EYS: variants seen among roughly 807,000 people sequenced by gnomAD.
EYS encodes EGF-like photoreceptor maintenance factor, also known as protein eyes shut homolog.
In EYS, 250 loss-of-function variants were observed where a neutral mutation model predicts 282.1. The ratio of observed to expected loss-of-function variants is 0.89; its 90% CI spans 0.80 to 0.98. The LOEUF is 0.98. EYS is among the 50% of genes least tolerant of loss of function. The probability of loss-of-function intolerance (pLI) is 0.00; values close to 1 mark genes in which losing one functional copy is unlikely to be tolerated. For synonymous variants in EYS, 1,355 were observed against 1,282.9 expected (o/e 1.06, Z -1.20); for missense variants, 4,016 against 3,709.0 (o/e 1.08, Z -2.15).
chr6:64,070,034 T>C (rs1771516745), intron 32 of EYS, among the ~76,000 whole-genome samples: 1 of 152,102 alleles, frequency 6.6e-6, no homozygotes, highest in Non-Finnish European at 1.5e-5. Flanking sequence ...CTGTTGTGAA[T>C]TGTTTCTTTG....
At chr6:65,186,248 T>C (rs1181843674) in intron 12 of EYS, among the ~76,000 whole-genome samples, 1 of 151,818 alleles carries the variant, frequency 6.6e-6, no homozygotes, top group Non-Finnish European at 1.5e-5. Flanking sequence ...TAATGTTCTT[T>C]AAGAAAATAT....
chr6:64,815,252 G>C (rs570687539), intron 21 of EYS: 1 of 462,116 alleles, frequency 2.2e-6, no homozygotes, highest in East Asian at 6.3e-5. Flanking sequence ...GAAAAACCAA[G>C]AGCACATAGT....
intron 12 of EYS, among the ~76,000 whole-genome samples, chr6:65,099,469 A>G (rs1774833261): frequency 6.6e-6 from 1 of 150,782 alleles, no homozygotes; most frequent in Admixed American, 6.6e-5. Context: ...GAATAATTAA[A>G]AAGAAAGAGG....
intron 8 of EYS, among the ~76,000 whole-genome samples, chr6:65,382,731 A>C (rs1428004607): frequency 1.3e-5 from 2 of 151,960 alleles, no homozygotes; most frequent in Non-Finnish European, 2.9e-5. Context: ...TCCAGCACAG[A>C]ACAAAGATGT....
chr6:64,697,741 A>T (rs62418056), intron 22 of EYS, among the ~76,000 whole-genome samples: 1 of 152,022 alleles, frequency 6.6e-6, no homozygotes, highest in Non-Finnish European at 1.5e-5. Context: ...CAAGAGATTG[A>T]GACCAACCTG....
At chr6:65,558,013 A>G (rs960445618) in intron 2 of EYS, among the ~76,000 whole-genome samples, 6 of 152,132 alleles carry the variant, frequency 3.9e-5, no homozygotes, top group Admixed American at 2.0e-4. Context: ...AAAAAGTACC[A>G]TAAGTTCTCA....
At chr6:64,458,894 CCA>C (rs1775651100) in intron 26 of EYS, among the ~76,000 whole-genome samples, 1 of 152,088 alleles carries the variant, frequency 6.6e-6, no homozygotes, top group Non-Finnish European at 1.5e-5. Context: ...TTTTTTAACA[CCA>C]GTTTTATCCT....
intron 14 of EYS, among the ~76,000 whole-genome samples, chr6:64,994,419 G>C (rs374980820): frequency 6.6e-6 from 1 of 152,008 alleles, no homozygotes; most frequent in African/African-American, 2.4e-5. Context: ...CACATACCAG[G>C]TTCAAAGAAG....
intron 26 of EYS, among the ~76,000 whole-genome samples, chr6:64,444,104 A>G (rs1775043025): frequency 6.6e-6 from 1 of 151,922 alleles, no homozygotes; most frequent in South Asian, 2.1e-4. Flanking sequence ...TCATGAAATT[A>G]GGGGTAATTT....
intron 11 of EYS, among the ~76,000 whole-genome samples, chr6:65,333,167 T>C (rs992394610): frequency 2.6e-5 from 4 of 151,480 alleles, no homozygotes; most frequent in African/African-American, 9.7e-5. Context: ...GTTTAGGCTA[T>C]TGAGGTATTT....
At chr6:63,782,241 G>C (rs564681486) in intron 39 of EYS, among the ~76,000 whole-genome samples, 1 of 152,294 alleles carries the variant, frequency 6.6e-6, no homozygotes, top group Non-Finnish European at 1.5e-5. Flanking sequence ...CCAGGCTTTG[G>C]TATCAGGATG....
intron 2 of EYS, among the ~76,000 whole-genome samples, chr6:65,521,170 C>G (rs538357455): frequency 3.9e-5 from 6 of 152,080 alleles, no homozygotes; most frequent in Non-Finnish European, 8.8e-5. Flanking sequence ...GTAAAACTTT[C>G]ATTTTAGAGA....
At chr6:64,695,753 T>C (rs1375615703) in intron 22 of EYS, among the ~76,000 whole-genome samples, 1 of 151,946 alleles carries the variant, frequency 6.6e-6, no homozygotes, top group African/African-American at 2.4e-5. Context: ...CCCGGCTAAT[T>C]TTTGTATTTT....
chr6:64,440,089 TC>T (rs1307132242), intron 26 of EYS, among the ~76,000 whole-genome samples: 4 of 151,842 alleles, frequency 2.6e-5, no homozygotes, highest in Non-Finnish European at 5.9e-5. Flanking sequence ...GTTCCTTTCT[TC>T]TTTTGTTATT....
intron 22 of EYS, among the ~76,000 whole-genome samples, chr6:64,681,883 A>G (rs1769910826): frequency 6.6e-6 from 1 of 152,110 alleles, no homozygotes; most frequent in Admixed American, 6.5e-5. Context: ...GTTACACCAC[A>G]TGTCTTACAT....
At chr6:65,412,156 G>T (rs993875632) in intron 5 of EYS, among the ~76,000 whole-genome samples, 1 of 152,078 alleles carries the variant, frequency 6.6e-6, no homozygotes, top group Non-Finnish European at 1.5e-5. Context: ...GACAAACCAT[G>T]AAGTGTGCCT....
intron 39 of EYS, among the ~76,000 whole-genome samples, chr6:63,784,572 T>C (rs1582204509): frequency 6.6e-6 from 1 of 151,882 alleles, no homozygotes; most frequent in Admixed American, 6.6e-5. Flanking sequence ...AGGAAGGAGG[T>C]ATGTCTTACA....
At chr6:64,863,383 A>T (rs1766310882) in intron 19 of EYS, among the ~76,000 whole-genome samples, 2 of 152,198 alleles carry the variant, frequency 1.3e-5, no homozygotes, top group African/African-American at 4.8e-5. Flanking sequence ...TAAGTAGCAC[A>T]TGGCAATTCA....
At chr6:65,430,171 C>T (rs560799788) in intron 5 of EYS, among the ~76,000 whole-genome samples, 1 of 152,286 alleles carries the variant, frequency 6.6e-6, no homozygotes, top group South Asian at 2.1e-4. Flanking sequence ...TAACAACTAT[C>T]TACAAAGGAA....
Sources: gnomAD v4.1 joint callset for allele counts (sites outside exome capture counted in the v4.1 genomes callset) on GRCh38, gnomAD v4.1.1 for gene constraint, MANE v1.5 for transcripts, NCBI Gene and HGNC (gene_info 2026-07-23, HGNC 2026-07-21) for gene names.